The following PRKCE variants were observed in gnomAD, a reference collection of about 807,000 sequenced individuals.
PRKCE encodes the protein protein kinase C epsilon.
A neutral mutation model predicts 85.4 loss-of-function variants in PRKCE; 16 were observed. The ratio of observed to expected loss-of-function variants is 0.19; its 90% CI spans 0.13 to 0.28. PRKCE has a LOEUF of 0.28. Ranked by LOEUF, PRKCE falls within the 10% of genes least tolerant of loss-of-function variation. The probability of loss-of-function intolerance (pLI) is 1.00; values close to 1 mark genes in which losing one functional copy is unlikely to be tolerated. For missense variants in PRKCE, 573 were observed against 975.2 expected (o/e 0.59, Z 5.49); for synonymous variants, 388 against 371.5 (o/e 1.04, Z -0.51).
intron 10 of PRKCE, among the ~76,000 whole-genome samples, chr2:46,057,432 C>G (rs1383081357): frequency 6.6e-6 from 1 of 151,608 alleles, no homozygotes; most frequent in Non-Finnish European, 1.5e-5. Flanking sequence ...AAAATATTCT[C>G]TTCAACTTTT....
At chr2:45,806,125 G>A (rs930759176) in intron 1 of PRKCE, among the ~76,000 whole-genome samples, 6 of 152,216 alleles carry the variant, frequency 3.9e-5, no homozygotes, top group African/African-American at 7.2e-5. Context: ...ATACTGGGGC[G>A]CTCATCCCAA....
intron 2 of PRKCE, among the ~76,000 whole-genome samples, chr2:45,892,996 T>G (rs1023854915): frequency 6.6e-6 from 1 of 152,122 alleles, no homozygotes; most frequent in African/African-American, 2.4e-5. Context: ...CTGCCCACTT[T>G]CCCATTGCCT....
chr2:45,744,539 T>TTTCTTTTTCTTTCC (rs1558624225), intron 1 of PRKCE, among the ~76,000 whole-genome samples: 31 of 68,246 alleles, frequency 4.5e-4, no homozygotes, highest in Non-Finnish European at 7.7e-4. Context: ...TCTTTCCTTC[T>TTTCTTTTTCTTTCC]TTCTTTCTTT....
In PRKCE at chr2:46,031,211, A is replaced by G. The variant is rs138380677; in HGVS notation, c.1437+20694A>G. Reference sequence around the variant, plus strand: ...GTGACCGTATTTTGAGACTTTGAGCACCACTCATGCCCAGCAAAATAAAAT... The same window carrying G: ...GTGACCGTATTTTGAGACTTTGAGCGCCACTCATGCCCAGCAAAATAAAAT... On this transcript the variant is annotated intron_variant, in intron 10 of 14. Coordinates refer to ENST00000306156, the MANE Select transcript of PRKCE (RefSeq NM_005400.3). Among the ~76,000 whole-genome samples, 10 of 152,320 alleles carry G rather than the reference A, an allele frequency of 6.6e-5. No individual in the cohort carries two copies. The East Asian group carries it at 1.9e-3, about 29-fold the overall frequency.
chr2:45,919,379 G>A (rs1698083459), intron 2 of PRKCE, among the ~76,000 whole-genome samples: 1 of 152,216 alleles, frequency 6.6e-6, no homozygotes, highest in Non-Finnish European at 1.5e-5. Context: ...TAAATTACTT[G>A]GCTAGAGAAA....
In PRKCE at chr2:45,710,508, G is replaced by A. The variant is rs1558582149; in HGVS notation, c.348+58060G>A. 2.0e-5 allele frequency among the ~76,000 whole-genome samples: 3 copies of A among 152,154 alleles called. No homozygotes were observed. In the South Asian group the frequency reaches 6.2e-4, roughly 32 times the overall value. On this transcript the variant is annotated intron_variant, in intron 1 of 14. Coordinates refer to ENST00000306156, the MANE Select transcript of PRKCE (RefSeq NM_005400.3). Reference sequence around the variant, plus strand: ...CAGTGGAACCCTGGAGTGTTTTTTAGCTCTATTTTCTTCTGTATATTTTCC... The same window carrying A: ...CAGTGGAACCCTGGAGTGTTTTTTAACTCTATTTTCTTCTGTATATTTTCC...
intron 10 of PRKCE, among the ~76,000 whole-genome samples, chr2:46,013,170 A>G (rs985850701): frequency 2.0e-5 from 3 of 152,246 alleles, no homozygotes; most frequent in African/African-American, 7.2e-5. Flanking sequence ...ATGAAGAATC[A>G]GCTTATAAAC....
At chr2:46,176,165 A>G (rs1242043912) in intron 14 of PRKCE, among the ~76,000 whole-genome samples, 1 of 152,204 alleles carries the variant, frequency 6.6e-6, no homozygotes. Context: ...TACAAAGATA[A>G]GGGTGAAAAC....
At chr2:46,099,628 CT>C (rs1344708985) in intron 11 of PRKCE, among the ~76,000 whole-genome samples, 1 of 151,998 alleles carries the variant, frequency 6.6e-6, no homozygotes, top group East Asian at 1.9e-4. Flanking sequence ...CATCTGCTAC[CT>C]TATATTCTAG....
At chr2:45,910,732 C>T (rs1697324974) in intron 2 of PRKCE, among the ~76,000 whole-genome samples, 1 of 151,864 alleles carries the variant, frequency 6.6e-6, no homozygotes, top group Non-Finnish European at 1.5e-5. Context: ...TAGGCGGGTC[C>T]ATGGTGAACA....
intron 1 of PRKCE, among the ~76,000 whole-genome samples, chr2:45,841,333 G>C (rs771630684): frequency 6.6e-6 from 1 of 152,238 alleles, no homozygotes; most frequent in African/African-American, 2.4e-5. Flanking sequence ...AAAGCCGACA[G>C]GGCAGCCTTC....
At chr2:45,844,194 G>T (rs1388250013) in intron 2 of PRKCE, among the ~76,000 whole-genome samples, 3 of 152,170 alleles carry the variant, frequency 2.0e-5, no homozygotes. Flanking sequence ...CAGGTATTCG[G>T]AAGAATTCAA....
At position 46,156,069 on chromosome 2, in the gene PRKCE, A is replaced by G. The variant is rs1234617222; in HGVS notation, c.1921-3537A>G. 1.1e-4 allele frequency among the ~76,000 whole-genome samples: 17 copies of G among 152,188 alleles called. No homozygotes were observed. In the East Asian group the frequency reaches 1.5e-3, roughly 14 times the overall value. On this transcript the variant is annotated intron_variant, in intron 13 of 14. Coordinates refer to ENST00000306156, the MANE Select transcript of PRKCE (RefSeq NM_005400.3). ...AATGTTTGTTACGTGGAAAAAAAAA[A>G]AAAAAGAATGCAAATCTAGCCATTT...
intron 2 of PRKCE, among the ~76,000 whole-genome samples, chr2:45,923,953 T>C (rs1423224777): frequency 2.0e-5 from 3 of 152,142 alleles, no homozygotes; most frequent in Non-Finnish European, 2.9e-5. Flanking sequence ...AAGGTTGTTA[T>C]TGGAAGTTTT....
At chr2:45,964,288 A>G (rs1482461877) in intron 2 of PRKCE, among the ~76,000 whole-genome samples, 1 of 152,212 alleles carries the variant, frequency 6.6e-6, no homozygotes, top group Non-Finnish European at 1.5e-5. Flanking sequence ...ACAGCATTTT[A>G]GAAGCATGAG....
At chr2:45,948,744 A>T (rs1193032196) in intron 2 of PRKCE, among the ~76,000 whole-genome samples, 1 of 152,206 alleles carries the variant, frequency 6.6e-6, no homozygotes, top group Non-Finnish European at 1.5e-5. Flanking sequence ...GCCCAGAGAT[A>T]ACCCCTGGGC....
At chr2:46,108,642 A>G (rs1488384232) in intron 11 of PRKCE, among the ~76,000 whole-genome samples, 1 of 152,216 alleles carries the variant, frequency 6.6e-6, no homozygotes, top group Non-Finnish European at 1.5e-5. Context: ...TTTCTACCCC[A>G]TGCATATCTA....
chr2:46,111,975 G>A (rs908066209), intron 11 of PRKCE, among the ~76,000 whole-genome samples: 1 of 152,056 alleles, frequency 6.6e-6, no homozygotes, highest in Non-Finnish European at 1.5e-5. Flanking sequence ...AACACTTGTC[G>A]TTATCTGTTT....
At chr2:46,135,898 C>G (rs1023172913) in intron 11 of PRKCE, among the ~76,000 whole-genome samples, 1 of 150,748 alleles carries the variant, frequency 6.6e-6, no homozygotes, top group African/African-American at 2.4e-5. Flanking sequence ...AGGGTGCCTG[C>G]CAGTCATCAA....
Sources: allele counts gnomAD v4.1 joint callset (sites outside exome capture counted in the v4.1 genomes callset), GRCh38; gene constraint gnomAD v4.1.1; transcripts MANE v1.5; gene names NCBI Gene and HGNC (gene_info 2026-07-23, HGNC 2026-07-21).